The following POFUT3 variants were observed in gnomAD, a reference collection of about 807,000 sequenced individuals.
POFUT3 encodes protein O-fucosyltransferase 3, also known as GDP-fucose protein O-fucosyltransferase 3.
the POFUT3 span, among the ~76,000 whole-genome samples, chr8:33,433,994 C>T: frequency 1.4e-5 from 2 of 144,188 alleles, no homozygotes; most frequent in African/African-American, 2.6e-5. Context: ...CCGGGTGCAG[C>T]GGCTCATGCC....
chr8:33,473,009 C>A, the POFUT3 span: 2 of 152,502 alleles, frequency 1.3e-5, no homozygotes, highest in Non-Finnish European at 2.9e-5. Flanking sequence ...GCATCAAGCC[C>A]CTACCCCCAC....
the POFUT3 span, chr8:33,451,906 C>T: frequency 1.8e-4 from 28 of 152,222 alleles, no homozygotes; most frequent in Admixed American, 7.9e-4. Context: ...TCTCATTAGA[C>T]TCACTCACTA....
the POFUT3 span, among the ~76,000 whole-genome samples, chr8:33,360,577 C>G: frequency 8.7e-4 from 132 of 152,268 alleles, 1 homozygote; most frequent in African/African-American, 3.0e-3. Context: ...CTCCCCTACA[C>G]CCCCTATAGC....
chr8:33,470,891 T>C, the POFUT3 span, among the ~76,000 whole-genome samples: 1 of 152,130 alleles, frequency 6.6e-6, no homozygotes, highest in Non-Finnish European at 1.5e-5. Context: ...AAACTCTCCA[T>C]AAAAGATTAA....
At chr8:33,389,590 G>A in the POFUT3 span, 1 of 1,614,176 alleles carries the variant, frequency 6.2e-7, no homozygotes, top group Non-Finnish European at 8.5e-7. Flanking sequence ...CTAGGTATCG[G>A]AGTGACTTCA....
At chr8:33,323,686 G>A in the POFUT3 span, among the ~76,000 whole-genome samples, 2 of 152,094 alleles carry the variant, frequency 1.3e-5, no homozygotes, top group South Asian at 2.1e-4. Flanking sequence ...GAAGGGATAC[G>A]GGGCTATCAG....
chr8:33,389,818 T>A, the POFUT3 span: 3 of 1,459,398 alleles, frequency 2.1e-6, no homozygotes, highest in Non-Finnish European at 2.9e-6. Context: ...GAAAATGAGA[T>A]ATTAATTAGT....
the POFUT3 span, among the ~76,000 whole-genome samples, chr8:33,403,901 C>A: frequency 0.29 from 43,276 of 151,842 alleles, 6,312 homozygotes; most frequent in South Asian, 0.44. Context: ...CCAGTCATGC[C>A]AAGGGCAGCC....
At chr8:33,389,420 AG>A in the POFUT3 span, 1 of 1,614,186 alleles carries the variant, frequency 6.2e-7, no homozygotes, top group Non-Finnish European at 8.5e-7. Flanking sequence ...CTGCTGAGGG[AG>A]GTCTTTGTTT....
chr8:33,438,308 T>C, the POFUT3 span, among the ~76,000 whole-genome samples: 1 of 152,244 alleles, frequency 6.6e-6, no homozygotes, highest in African/African-American at 2.4e-5. Flanking sequence ...CCAGATGCAG[T>C]GGCCCATGCC....
At chr8:33,429,995 C>CAAAA in the POFUT3 span, among the ~76,000 whole-genome samples, 1 of 124,774 alleles carries the variant, frequency 8.0e-6, no homozygotes. Flanking sequence ...GACTCCATCT[C>CAAAA]AAAAAAAAAA....
the POFUT3 span, among the ~76,000 whole-genome samples, chr8:33,355,500 C>T: frequency 1.3e-5 from 2 of 152,074 alleles, no homozygotes; most frequent in Non-Finnish European, 2.9e-5. Flanking sequence ...CCTAGGCATC[C>T]CTTAGTCCAG....
the POFUT3 span, among the ~76,000 whole-genome samples, chr8:33,328,662 C>A: frequency 1.3e-5 from 2 of 152,154 alleles, no homozygotes; most frequent in African/African-American, 4.8e-5. Context: ...ACCACCAGCC[C>A]GAAGCCATCC....
the POFUT3 span, among the ~76,000 whole-genome samples, chr8:33,323,601 A>T: frequency 6.6e-6 from 1 of 152,102 alleles, no homozygotes; most frequent in African/African-American, 2.4e-5. Context: ...TCCCTACCAC[A>T]TGTGGTGGAA....
chr8:33,398,003 A>T, the POFUT3 span, among the ~76,000 whole-genome samples: 1 of 152,224 alleles, frequency 6.6e-6, no homozygotes, highest in Non-Finnish European at 1.5e-5. Flanking sequence ...TAAACAAAAT[A>T]AGCCCCAAGG....
At chr8:33,331,531 T>C in the POFUT3 span, among the ~76,000 whole-genome samples, 2 of 151,716 alleles carry the variant, frequency 1.3e-5, no homozygotes, top group African/African-American at 4.8e-5. Context: ...TTAAGAAAAA[T>C]ACAAGTATTA....
the POFUT3 span, among the ~76,000 whole-genome samples, chr8:33,319,409 T>C: frequency 1.7e-5 from 1 of 60,090 alleles, no homozygotes; most frequent in Non-Finnish European, 2.5e-5. Context: ...ATAGTATATA[T>C]TATATAAATA....
chr8:33,451,064 GTA>G, the POFUT3 span, among the ~76,000 whole-genome samples: 14 of 113,402 alleles, frequency 1.2e-4, no homozygotes, highest in South Asian at 2.6e-4. Context: ...CAAAGGAGGT[GTA>G]TGTGTGTGTG....
At chr8:33,405,419 T>TA in the POFUT3 span, among the ~76,000 whole-genome samples, 6 of 152,012 alleles carry the variant, frequency 3.9e-5, no homozygotes, top group Admixed American at 1.3e-4. Flanking sequence ...GGTAGACTAG[T>TA]AAGTGGCACT....
Sources: allele counts gnomAD v4.1 joint callset (sites outside exome capture counted in the v4.1 genomes callset), GRCh38; gene constraint gnomAD v4.1.1; transcripts MANE v1.5; gene names NCBI Gene and HGNC (gene_info 2026-07-23, HGNC 2026-07-21).